Variants in ANKS1B observed in about 807,000 individuals in gnomAD.
ANKS1B encodes ankyrin repeat and sterile alpha motif domain containing 1B, also known as ankyrin repeat and sterile alpha motif domain-containing protein 1B.
ANKS1B carries 36 observed loss-of-function variants against 148.3 expected under a neutral mutation model. The observed-to-expected ratio is 0.24, with a 90% CI of 0.19 to 0.32. ANKS1B has a LOEUF of 0.32. ANKS1B is among the 10% of genes least tolerant of loss of function. The pLI is 1.00. For synonymous variants in ANKS1B, 542 were observed against 560.8 expected (o/e 0.97, Z 0.47); for missense variants, 1,157 against 1,542.6 (o/e 0.75, Z 4.19).
At chr12:98,988,934 T>A (rs1598092619) in intron 17 of ANKS1B, among the ~76,000 whole-genome samples, 2 of 152,308 alleles carry the variant, frequency 1.3e-5, no homozygotes, top group Middle Eastern at 3.4e-3. Context: ...CCTTTGCCTA[T>A]TTTTAAATTG....
rs183441510 is a variant in ANKS1B, at chr12:99,919,148, A to G, written c.134+64956T>C. Among the ~76,000 whole-genome samples the G allele has an allele frequency of 2.6e-5, 4 of 152,284 alleles. No homozygotes were observed. In the East Asian group the frequency reaches 7.7e-4, roughly 29 times the overall value. ...GGGAACTAGTATTCAAATCACAATT[A>G]TTTTAAAGTTTACAATGGGCAATTT... On this transcript the variant is annotated intron_variant, in intron 1 of 26. Coordinates refer to ENST00000683438, the MANE Select transcript of ANKS1B (RefSeq NM_001352186.2).
chr12:99,184,324 G>T (rs1033261718), intron 14 of ANKS1B, among the ~76,000 whole-genome samples: 6 of 152,206 alleles, frequency 3.9e-5, no homozygotes, highest in Non-Finnish European at 8.8e-5. Context: ...ATAGAGGAGA[G>T]ATAAGAAGGT....
At chr12:99,274,586 T>G (rs543593009) in intron 12 of ANKS1B, among the ~76,000 whole-genome samples, 8 of 152,308 alleles carry the variant, frequency 5.3e-5, no homozygotes, top group South Asian at 4.1e-4. Context: ...ACCTGCCTTT[T>G]TAGTCTTTCC....
At chr12:99,099,941 A>T (rs1029421623) in intron 15 of ANKS1B, 15 of 152,284 alleles carry the variant, frequency 9.9e-5, no homozygotes, top group African/African-American at 3.1e-4. Context: ...ACTGAGCTCC[A>T]CAGATTATGT....
intron 17 of ANKS1B, among the ~76,000 whole-genome samples, chr12:98,834,995 C>T (rs746949699): frequency 5.1e-4 from 77 of 152,166 alleles, no homozygotes; most frequent in African/African-American, 1.1e-3. Context: ...AAATCTTCAC[C>T]GCCTTTCTCC....
intron 10 of ANKS1B, among the ~76,000 whole-genome samples, chr12:99,491,488 G>A (rs78052712): frequency 0.037 from 5,680 of 152,042 alleles, 147 homozygotes; most frequent in South Asian, 0.084. Context: ...AATCACTCAA[G>A]TACTAAACCT....
chr12:99,670,415 C>T (rs1205141025), intron 8 of ANKS1B, among the ~76,000 whole-genome samples: 1 of 152,000 alleles, frequency 6.6e-6, no homozygotes, highest in Non-Finnish European at 1.5e-5. Flanking sequence ...TTACAACCAA[C>T]CTGAACTTCC....
chr12:99,321,180 C>T (rs2085193596), intron 12 of ANKS1B, among the ~76,000 whole-genome samples: 1 of 152,244 alleles, frequency 6.6e-6, no homozygotes, highest in African/African-American at 2.4e-5. Context: ...GCAGTCTGTC[C>T]TTTCTCCGAT....
intron 15 of ANKS1B, among the ~76,000 whole-genome samples, chr12:99,094,573 C>T (rs1437290441): frequency 6.6e-6 from 1 of 152,054 alleles, no homozygotes; most frequent in Non-Finnish European, 1.5e-5. Context: ...GTAATTAAGA[C>T]CTGAGGGGAT....
intron 9 of ANKS1B, among the ~76,000 whole-genome samples, chr12:99,574,630 T>A: frequency 6.6e-6 from 1 of 151,978 alleles, no homozygotes; most frequent in East Asian, 1.9e-4. Context: ...TGAGTTAACA[T>A]TTGAAATCAA....
At chr12:98,812,821 C>A (rs935842416) in intron 19 of ANKS1B, among the ~76,000 whole-genome samples, 3 of 152,114 alleles carry the variant, frequency 2.0e-5, no homozygotes, top group African/African-American at 7.2e-5. Context: ...AAGTGATCCA[C>A]CCACCTTAGC....
At chr12:99,075,388 A>G (rs576862682) in intron 16 of ANKS1B, among the ~76,000 whole-genome samples, 1 of 152,308 alleles carries the variant, frequency 6.6e-6, no homozygotes, top group African/African-American at 2.4e-5. Flanking sequence ...GTTGGAGGAG[A>G]GCTGCCTGAC....
intron 10 of ANKS1B, among the ~76,000 whole-genome samples, chr12:99,482,860 G>T (rs1035362840): frequency 2.0e-5 from 3 of 151,984 alleles, no homozygotes; most frequent in Admixed American, 1.3e-4. Flanking sequence ...CACTGATTTT[G>T]TAACCTGAGA....
chr12:98,782,403 C>A (rs2098746368), intron 22 of ANKS1B, among the ~76,000 whole-genome samples: 1 of 152,302 alleles, frequency 6.6e-6, no homozygotes, highest in East Asian at 1.9e-4. Flanking sequence ...GACTGACACA[C>A]AAGAACCTTC....
intron 15 of ANKS1B, among the ~76,000 whole-genome samples, chr12:99,105,297 T>C (rs2058915948): frequency 1.3e-5 from 2 of 152,234 alleles, no homozygotes; most frequent in East Asian, 3.9e-4. Context: ...ACCCGTTTTT[T>C]CATGTGTACA....
At chr12:98,844,760 C>A (rs2099437479) in intron 17 of ANKS1B, among the ~76,000 whole-genome samples, 1 of 152,162 alleles carries the variant, frequency 6.6e-6, no homozygotes, top group Admixed American at 6.5e-5. Context: ...ATGCCACAGG[C>A]TCTGCCCCTG....
At chr12:99,393,783 TA>T (rs1194472915) in intron 12 of ANKS1B, among the ~76,000 whole-genome samples, 5 of 152,182 alleles carry the variant, frequency 3.3e-5, no homozygotes, top group Non-Finnish European at 5.9e-5. Flanking sequence ...TCTCCAGTCC[TA>T]AGATCTTATT....
At chr12:99,397,452 C>A (rs73372079) in intron 12 of ANKS1B, among the ~76,000 whole-genome samples, 12,096 of 151,780 alleles carry the variant, frequency 0.08, 1,430 homozygotes, top group African/African-American at 0.26. Flanking sequence ...TCTAGAAAGA[C>A]GACAAGAAAT....
At chr12:99,154,202 C>T (rs2075651243) in intron 15 of ANKS1B, 87 bp downstream of exon 15, 8 of 1,526,692 alleles carry the variant, frequency 5.2e-6, no homozygotes, top group Non-Finnish European at 7.1e-6. Context: ...AGTTTTGGTG[C>T]AAATCAGGCT....
Sources: gnomAD v4.1 joint callset for allele counts (sites outside exome capture counted in the v4.1 genomes callset) on GRCh38, gnomAD v4.1.1 for gene constraint, MANE v1.5 for transcripts, NCBI Gene and HGNC (gene_info 2026-07-23, HGNC 2026-07-21) for gene names.